The following KCNMB2 variants were observed in gnomAD, a reference collection of about 807,000 sequenced individuals.
KCNMB2 encodes potassium calcium-activated channel subfamily M regulatory beta subunit 2.
Under a neutral mutation model 24.5 loss-of-function variants are expected in KCNMB2, and 9 were observed. The observed-to-expected ratio is 0.37, with a 90% CI of 0.22 to 0.64. The LOEUF is 0.64. Among genes scored for constraint, KCNMB2 ranks in the 30% least tolerant of loss-of-function variants. KCNMB2 has a pLI of 0.63. For missense variants in KCNMB2, 226 were observed against 284.3 expected (o/e 0.79, Z 1.47); for synonymous variants, 109 against 104.4 (o/e 1.04, Z -0.27).
At chr3:178,721,947 T>C (rs914415027) in intron 1 of KCNMB2, among the ~76,000 whole-genome samples, 1 of 152,228 alleles carries the variant, frequency 6.6e-6, no homozygotes, top group South Asian at 2.1e-4. Flanking sequence ...TTTTTACACA[T>C]CCTTCTTACA....
At chr3:178,719,778 C>A (rs13087051) in intron 1 of KCNMB2, among the ~76,000 whole-genome samples, 4 of 151,950 alleles carry the variant, frequency 2.6e-5, no homozygotes, top group African/African-American at 9.7e-5. Context: ...TGATTCTGTA[C>A]ATTTTAATAC....
intron 1 of KCNMB2, among the ~76,000 whole-genome samples, chr3:178,629,168 G>T (rs1719224230): frequency 6.6e-6 from 1 of 151,864 alleles, no homozygotes; most frequent in Non-Finnish European, 1.5e-5. Context: ...ACTCCTTCCT[G>T]CATTTTTAGT....
chr3:178,809,902 T>C (rs1028523119), intron 2 of KCNMB2, among the ~76,000 whole-genome samples: 10 of 152,218 alleles, frequency 6.6e-5, no homozygotes, highest in African/African-American at 2.4e-4. Context: ...GGGATGGGGA[T>C]GCAAAAGCTT....
At chr3:178,749,503 G>T (rs754111594) in intron 1 of KCNMB2, among the ~76,000 whole-genome samples, 4 of 152,172 alleles carry the variant, frequency 2.6e-5, no homozygotes, top group Admixed American at 6.6e-5. Context: ...AGTAAAGGAG[G>T]ATGTTTCTGG....
rs574991371 is a variant in KCNMB2 at position 178,711,620 on chromosome 3, G to A, written c.-67-95723G>A. Among the ~76,000 whole-genome samples the A allele has an allele frequency of 2.1e-4, 30 of 143,442 alleles. No individual in the cohort carries two copies. In the South Asian group the frequency reaches 6.2e-3, roughly 30 times the overall value. 94.1% of individuals were successfully genotyped at this position (143,442 alleles called of 152,430 possible). On this transcript the variant is annotated intron_variant, in intron 1 of 4. Transcript: ENST00000452583. Reference sequence around the variant, plus strand: ...CAGCCAGTAAAGCCACTTCCTATACGAAACCCAGAGAAAACAGAGTCTTCA... The same window carrying A: ...CAGCCAGTAAAGCCACTTCCTATACAAAACCCAGAGAAAACAGAGTCTTCA...
intron 1 of KCNMB2, among the ~76,000 whole-genome samples, chr3:178,754,743 A>G (rs1294652115): frequency 6.6e-6 from 1 of 152,208 alleles, no homozygotes; most frequent in Non-Finnish European, 1.5e-5. Context: ...TGACTTGCTC[A>G]AGGTCACACT....
chr3:178,833,205 C>T (rs1227218410), intron 4 of KCNMB2, among the ~76,000 whole-genome samples: 1 of 152,094 alleles, frequency 6.6e-6, no homozygotes, highest in African/African-American at 2.4e-5. Context: ...CCTTCAGAAT[C>T]CCAACCCAAA....
chr3:178,671,358 T>C (rs1041684668), intron 1 of KCNMB2, among the ~76,000 whole-genome samples: 1 of 152,080 alleles, frequency 6.6e-6, no homozygotes, highest in Non-Finnish European at 1.5e-5. Context: ...TGATTCAAAC[T>C]CTCCCTTAAT....
At chr3:178,719,207 G>A (rs1255665269) in intron 1 of KCNMB2, among the ~76,000 whole-genome samples, 1 of 151,904 alleles carries the variant, frequency 6.6e-6, no homozygotes, top group Non-Finnish European at 1.5e-5. Context: ...CCTTTCTCCT[G>A]TCAGCATACC....
intron 1 of KCNMB2, among the ~76,000 whole-genome samples, chr3:178,655,723 T>C (rs908352125): frequency 3.3e-5 from 5 of 152,224 alleles, no homozygotes; most frequent in Admixed American, 6.5e-5. Context: ...TCCTGGGCTC[T>C]GGGCAGCACC....
At chr3:178,640,465 C>T (rs190039437) in intron 1 of KCNMB2, among the ~76,000 whole-genome samples, 19 of 152,214 alleles carry the variant, frequency 1.2e-4, no homozygotes, top group Non-Finnish European at 2.4e-4. Flanking sequence ...GGGGGAAATC[C>T]GCCCCCATGA....
intron 1 of KCNMB2, among the ~76,000 whole-genome samples, chr3:178,744,826 CA>C (rs1362287704): frequency 6.6e-6 from 1 of 152,178 alleles, no homozygotes; most frequent in African/African-American, 2.4e-5. Context: ...AGTTATCAGC[CA>C]CTTCTAGGGC....
chr3:178,656,268 C>T (rs192184522), intron 1 of KCNMB2, among the ~76,000 whole-genome samples: 1 of 152,236 alleles, frequency 6.6e-6, no homozygotes, highest in Non-Finnish European at 1.5e-5. Flanking sequence ...CCAAATAAGT[C>T]CCAAAACGAT....
In KCNMB2 at chr3:178,599,608, T is replaced by G. The variant is rs1718006281; in HGVS notation, c.-68+62897T>G. Among the ~76,000 whole-genome samples, 2 of 152,222 alleles carry G rather than the reference T, an allele frequency of 1.3e-5. 1 individual carries two copies. Among genetic ancestry groups the G allele is most frequent in the South Asian group, 4.1e-4 (2 of 4,834 alleles). On this transcript the variant is annotated intron_variant, in intron 1 of 4. Transcript: ENST00000452583. ...TACTTTCTTTAAAAAAGTGGTAATA[T>G]ACACATAAAATGTTATTTTTATGTG... is the stretch of plus-strand genomic sequence containing the variant.
At chr3:178,554,245 C>T (rs989603430) in intron 1 of KCNMB2, among the ~76,000 whole-genome samples, 2 of 152,104 alleles carry the variant, frequency 1.3e-5, no homozygotes, top group African/African-American at 2.4e-5. Context: ...TTATCCCCAT[C>T]GCAATAAAAT....
At position 178,610,489 on chromosome 3, in the gene KCNMB2, T is replaced by C. The variant is rs183032647; in HGVS notation, c.-68+73778T>C. Among the ~76,000 whole-genome samples the C allele has an allele frequency of 6.6e-5, 10 of 152,322 alleles. No individual in the cohort carries two copies. In the East Asian group the frequency reaches 1.7e-3, roughly 26 times the overall value. On this transcript the variant is annotated intron_variant, in intron 1 of 4. Transcript: ENST00000452583. ...TCACTTCTTTGGTTATGTTAATTCCTAGATATATAATTTTATGTGTGGCTA... is the reference window on the plus strand; with the variant it reads ...TCACTTCTTTGGTTATGTTAATTCCCAGATATATAATTTTATGTGTGGCTA...
At chr3:178,625,553 A>G (rs1719087558) in intron 1 of KCNMB2, among the ~76,000 whole-genome samples, 1 of 152,242 alleles carries the variant, frequency 6.6e-6, no homozygotes, top group South Asian at 2.1e-4. Flanking sequence ...AACTCATAGC[A>G]AAGTCTATCA....
At chr3:178,555,041 A>T (rs1297350625) in intron 1 of KCNMB2, among the ~76,000 whole-genome samples, 1 of 152,176 alleles carries the variant, frequency 6.6e-6, no homozygotes, top group Admixed American at 6.5e-5. Flanking sequence ...TGCCTTCAGG[A>T]TGAAAAGAGA....
At chr3:178,582,461 T>C (rs1276707859) in intron 1 of KCNMB2, among the ~76,000 whole-genome samples, 1 of 152,140 alleles carries the variant, frequency 6.6e-6, no homozygotes, top group African/African-American at 2.4e-5. Context: ...TATACCTATG[T>C]AACAAACATG....
Sources: gnomAD v4.1 joint callset for allele counts (sites outside exome capture counted in the v4.1 genomes callset) on GRCh38, gnomAD v4.1.1 for gene constraint, MANE v1.5 for transcripts, NCBI Gene and HGNC (gene_info 2026-07-23, HGNC 2026-07-21) for gene names.